The following SLC4A10 variants were observed in gnomAD, a reference collection of about 807,000 sequenced individuals.
SLC4A10 encodes the protein solute carrier family 4 member 10.
A neutral mutation model predicts 137.7 loss-of-function variants in SLC4A10; 42 were observed. That is an observed-to-expected ratio of 0.30 (90% confidence interval 0.24 to 0.39). The LOEUF (loss-of-function observed/expected upper bound fraction) is 0.39, where lower values mean the gene tolerates loss of function less well. Among genes scored for constraint, SLC4A10 ranks in the 10% least tolerant of loss-of-function variants. The pLI is 1.00. For synonymous variants in SLC4A10, 474 were observed against 464.1 expected (o/e 1.02, Z -0.27); for missense variants, 925 against 1,355.0 (o/e 0.68, Z 4.98).
chr2:161,882,971 T>C (rs1487343080), intron 10 of SLC4A10, among the ~76,000 whole-genome samples: 1 of 152,122 alleles, frequency 6.6e-6, no homozygotes, highest in African/African-American at 2.4e-5. Context: ...CATGTAAATT[T>C]TTCTATGTAA....
At chr2:161,979,336 T>C (rs1699870788) in intron 26 of SLC4A10, among the ~76,000 whole-genome samples, 1 of 152,246 alleles carries the variant, frequency 6.6e-6, no homozygotes, top group African/African-American at 2.4e-5. Context: ...GGGTTGACTC[T>C]AGTGAACAAT....
At chr2:161,756,509 TGA>T (rs1351537536) in intron 1 of SLC4A10, among the ~76,000 whole-genome samples, 1 of 152,182 alleles carries the variant, frequency 6.6e-6, no homozygotes, top group Admixed American at 6.5e-5. Context: ...ATTTTTAGGA[TGA>T]GTCAGGACCA....
intron 16 of SLC4A10, 117 bp from the exon 17 acceptor site, chr2:161,947,449 G>C: frequency 1.0e-6 from 1 of 1,001,380 alleles, no homozygotes; most frequent in Non-Finnish European, 1.4e-6. Context: ...CATTGTGAGA[G>C]CCATAAAGGA....
chr2:161,764,118 T>C (rs2050550231), intron 1 of SLC4A10, among the ~76,000 whole-genome samples: 2 of 152,136 alleles, frequency 1.3e-5, no homozygotes, highest in African/African-American at 4.8e-5. Context: ...TGCCTCTCAA[T>C]AGGAGACTGG....
intron 1 of SLC4A10, among the ~76,000 whole-genome samples, chr2:161,752,221 T>C (rs2049059083): frequency 6.6e-6 from 1 of 152,000 alleles, no homozygotes; most frequent in African/African-American, 2.4e-5. Flanking sequence ...CCATAATTTA[T>C]TGCTTTCTGG....
intron 21 of SLC4A10, among the ~76,000 whole-genome samples, chr2:161,958,768 GT>G (rs1696107577): frequency 6.6e-6 from 1 of 152,104 alleles, no homozygotes; most frequent in African/African-American, 2.4e-5. Flanking sequence ...TTTATCATAA[GT>G]ATATTAAAAC....
At chr2:161,747,175 A>G (rs894724898) in intron 1 of SLC4A10, among the ~76,000 whole-genome samples, 5 of 152,052 alleles carry the variant, frequency 3.3e-5, no homozygotes, top group African/African-American at 1.2e-4. Flanking sequence ...TTTCCAGTTT[A>G]TTTAGGAGCC....
At chr2:161,695,898 T>C (rs780232733) in intron 1 of SLC4A10, among the ~76,000 whole-genome samples, 7 of 152,184 alleles carry the variant, frequency 4.6e-5, no homozygotes, top group Non-Finnish European at 1.0e-4. Context: ...TATTTATTTA[T>C]TTATTCATTT....
intron 1 of SLC4A10, among the ~76,000 whole-genome samples, chr2:161,659,517 T>G (rs1290368054): frequency 6.6e-6 from 1 of 152,112 alleles, no homozygotes; most frequent in Non-Finnish European, 1.5e-5. Flanking sequence ...GAGTGGGTGA[T>G]GAGAAATTAC....
At chr2:161,727,291 G>T (rs868542735) in intron 1 of SLC4A10, among the ~76,000 whole-genome samples, 5 of 152,240 alleles carry the variant, frequency 3.3e-5, no homozygotes, top group South Asian at 4.1e-4. Flanking sequence ...CAAACATATT[G>T]AAATCAGTGT....
intron 1 of SLC4A10, among the ~76,000 whole-genome samples, chr2:161,698,940 T>G (rs1475671789): frequency 3.9e-5 from 6 of 152,126 alleles, no homozygotes; most frequent in African/African-American, 7.2e-5. Context: ...TCTGGTCCTG[T>G]ACTTTTTTTG....
intron 2 of SLC4A10, among the ~76,000 whole-genome samples, chr2:161,799,291 T>G (rs2055124901): frequency 6.6e-6 from 1 of 151,922 alleles, no homozygotes; most frequent in Non-Finnish European, 1.5e-5. Context: ...TTAATAATTG[T>G]CAAGTCATTT....
intron 10 of SLC4A10, among the ~76,000 whole-genome samples, chr2:161,893,907 G>A (rs2063180607): frequency 6.6e-6 from 1 of 151,738 alleles, no homozygotes; most frequent in African/African-American, 2.4e-5. Flanking sequence ...AATATCATAA[G>A]TGGAAACTAT....
chr2:161,639,267 C>T (rs1411770287), intron 1 of SLC4A10, among the ~76,000 whole-genome samples: 1 of 152,090 alleles, frequency 6.6e-6, no homozygotes, highest in South Asian at 2.1e-4. Flanking sequence ...TTTTTCCAAA[C>T]TCATTTGATA....
chr2:161,667,723 C>T (rs554346552), intron 1 of SLC4A10, among the ~76,000 whole-genome samples: 10 of 151,604 alleles, frequency 6.6e-5, no homozygotes, highest in Non-Finnish European at 1.2e-4. Flanking sequence ...TCAAGTAATA[C>T]TGCCATCATT....
At chr2:161,882,538 G>C (rs1238520322) in intron 10 of SLC4A10, 94 bp downstream of exon 10, 7 of 694,680 alleles carry the variant, frequency 1.0e-5, no homozygotes, top group South Asian at 5.9e-5. Flanking sequence ...TTGTGAATCA[G>C]ATTTCTCTGT....
chr2:161,708,145 T>G (rs1341568065), intron 1 of SLC4A10, among the ~76,000 whole-genome samples: 1 of 151,576 alleles, frequency 6.6e-6, no homozygotes, highest in Non-Finnish European at 1.5e-5. Flanking sequence ...TATTTACTAT[T>G]TATACAACTA....
intron 3 of SLC4A10, among the ~76,000 whole-genome samples, chr2:161,829,777 ATCACAG>A (rs2058306884): frequency 6.6e-6 from 1 of 152,182 alleles, no homozygotes; most frequent in South Asian, 2.1e-4. Flanking sequence ...GGTTGAATGG[ATCACAG>A]TTCCATATGG....
At chr2:161,792,563 T>A (rs2054319105) in intron 2 of SLC4A10, among the ~76,000 whole-genome samples, 1 of 152,178 alleles carries the variant, frequency 6.6e-6, no homozygotes, top group Non-Finnish European at 1.5e-5. Context: ...CTTAAATCTC[T>A]ATTTCAGCTG....
Sources: gnomAD v4.1 joint callset for allele counts (sites outside exome capture counted in the v4.1 genomes callset) on GRCh38, gnomAD v4.1.1 for gene constraint, MANE v1.5 for transcripts, NCBI Gene and HGNC (gene_info 2026-07-23, HGNC 2026-07-21) for gene names.